The following USP38 variants were observed in gnomAD, a reference collection of about 807,000 sequenced individuals.
The protein encoded by USP38 is ubiquitin carboxyl-terminal hydrolase 38.
In USP38, 49 loss-of-function variants were observed where a neutral mutation model predicts 94.3. The ratio of observed to expected loss-of-function variants is 0.52; its 90% CI spans 0.41 to 0.66. The LOEUF is 0.66. Ranked by LOEUF, USP38 falls within the 30% of genes least tolerant of loss-of-function variation. The pLI is 0.00. For missense variants in USP38, 1,128 were observed against 1,229.4 expected (o/e 0.92, Z 1.23); for synonymous variants, 468 against 463.6 (o/e 1.01, Z -0.12).
In USP38 at chr4:143,213,933, C is replaced by A. The variant is rs774795592; in HGVS notation, c.1957C>A (p.Pro653Thr). The A allele has an allele frequency of 4.3e-6, 7 of 1,613,624 alleles. No individual in the cohort carries two copies. The South Asian group carries it at 6.6e-5, about 15-fold the overall frequency. Residue 653 changes from proline (P) to threonine (T), a missense_variant, in exon 9 of 10, where the codon CCT becomes ACT. By Grantham distance (38) the Pro-to-Thr change is conservative. Coordinates refer to ENST00000307017, the MANE Select transcript of USP38 (RefSeq NM_032557.6). ...GGLMQASVPG[P>T]SEEPVVYNPT... ...TCTAATGCAAGCCTCTGTACCCGGTCCTTCAGAAGAACCAGTAGTTTATAA... is the reference window on the plus strand; with the variant it reads ...TCTAATGCAAGCCTCTGTACCCGGTACTTCAGAAGAACCAGTAGTTTATAA...
chr4:143,202,440 C>T (rs1321165726), intron 4 of USP38, among the ~76,000 whole-genome samples: 2 of 151,950 alleles, frequency 1.3e-5, no homozygotes, highest in Non-Finnish European at 2.9e-5. Flanking sequence ...AACTTTTTTA[C>T]CATGAGTTAG....
intron 1 of USP38, among the ~76,000 whole-genome samples, chr4:143,186,774 C>A (rs1030584846): frequency 1.1e-4 from 17 of 152,316 alleles, no homozygotes; most frequent in African/African-American, 4.1e-4. Context: ...TGATACTTGC[C>A]TAGAAAATGC....
At chr4:143,216,424 A>G (rs1732183542) in intron 9 of USP38, among the ~76,000 whole-genome samples, 1 of 152,126 alleles carries the variant, frequency 6.6e-6, no homozygotes, top group South Asian at 2.1e-4. Flanking sequence ...TAGTAAATCA[A>G]AGTTTCATTA....
Position 143,214,877 on chromosome 4 carries a change from T to G in USP38, c.2901T>G (p.Asn967Lys), listed in dbSNP as rs1438906195. The G allele has an allele frequency of 6.2e-7, 1 of 1,613,524 alleles. No individual in the cohort carries two copies. The highest frequency in any genetic ancestry group is 1.7e-5 in the Admixed American group (1 of 59,906). The stretch of plus-strand genomic sequence containing the variant: ...ACCCAACCAGTGGACTCTGGATAAA[T>G]GGAGACCCACCTCTACAGAAAGAAC... ...GNNPTSGLWINGDPPLQKELM... is the reference protein window; with the variant it reads ...GNNPTSGLWIKGDPPLQKELM... The change falls in exon 9 of 10, where the codon AAT becomes AAG. Residue 967 changes from asparagine to lysine, a missense_variant. Physicochemically the swap from Asn to Lys is moderately conservative, Grantham distance 94. Coordinates refer to ENST00000307017, the MANE Select transcript of USP38 (RefSeq NM_032557.6).
Position 143,223,505 on chromosome 4 carries a change from T to C in USP38, c.*3049T>C, listed in dbSNP as rs1732374492. On this transcript the variant is annotated 3_prime_UTR_variant, in exon 10 of 10. Transcript: ENST00000307017. ...TTTTTCTCTTCAGTTCTGTTCTTTG[T>C]ATGATAATCCTTAAAAAAGTAGTTG... The C allele has an allele frequency of 2.0e-5, 3 of 152,154 alleles. No homozygotes were observed. Among genetic ancestry groups the C allele is most frequent in the Admixed American group, 6.6e-5 (1 of 15,264 alleles). The allele number at this position is 152,154 out of a possible 1,614,324, so 9.4% of individuals were successfully genotyped here. A position where few individuals can be genotyped will look rare whatever the true frequency, so the allele number is the denominator to read the frequency against.
At chr4:143,192,975 ACT>A (rs1237471978) in intron 2 of USP38, among the ~76,000 whole-genome samples, 7 of 151,850 alleles carry the variant, frequency 4.6e-5, no homozygotes, top group East Asian at 1.9e-4. Flanking sequence ...GGAATTTTCT[ACT>A]CTCTGCTCTC....
At chr4:143,192,143 T>G (rs2149604645) in intron 2 of USP38, among the ~76,000 whole-genome samples, 1 of 152,356 alleles carries the variant, frequency 6.6e-6, no homozygotes. Context: ...ATCTTACTGT[T>G]ATATTCTCAG....
chr4:143,216,069 C>T (rs74599506), intron 9 of USP38, among the ~76,000 whole-genome samples: 2,387 of 151,996 alleles, frequency 0.016, 68 homozygotes, highest in African/African-American at 0.053. Flanking sequence ...AGATAAAAAA[C>T]TACTCTCATT....
chr4:143,214,640 T>A lies in USP38; in HGVS notation c.2664T>A (p.Ser888Arg), dbSNP rs1419210768. ...SEALALASSQ[S>R]HLLGRDSPSA... ...CTCTGGCATTAGCATCCTCCCAGAG[T>A]CATTTACTAGGGAGAGATAGTCCCA... Residue 888 changes from serine (S) to arginine (R), a missense_variant, in exon 9 of 10, where the codon AGT (serine) becomes AGA (arginine). Ser to Arg is a moderately radical substitution (Grantham distance 110). Coordinates refer to ENST00000307017, the MANE Select transcript of USP38 (RefSeq NM_032557.6). 10 of 1,613,508 alleles carry A rather than the reference T, an allele frequency of 6.2e-6. No homozygotes were observed. The highest frequency in any genetic ancestry group is 7.6e-6 in the Non-Finnish European group (9 of 1,179,768).
At chr4:143,208,227 CATTT>C (rs1561244949) in intron 6 of USP38, among the ~76,000 whole-genome samples, 1 of 151,940 alleles carries the variant, frequency 6.6e-6, no homozygotes, top group Non-Finnish European at 1.5e-5. Flanking sequence ...ATTAAATACT[CATTT>C]AATTTAATGA....
intron 9 of USP38, chr4:143,215,567 T>G (rs1732162431): frequency 1.3e-5 from 2 of 152,124 alleles, no homozygotes; most frequent in Non-Finnish European, 2.9e-5. Flanking sequence ...AAGTTAAAAT[T>G]CTTGCTGAAA....
At chr4:143,188,891 C>T (rs1581154361) in intron 2 of USP38, among the ~76,000 whole-genome samples, 1 of 152,120 alleles carries the variant, frequency 6.6e-6, no homozygotes, top group South Asian at 2.1e-4. Context: ...TCATTCATGT[C>T]CTAGTTAAAT....
In USP38 at chr4:143,221,752, T is replaced by A. The variant is rs1370011143; in HGVS notation, c.*1296T>A. On this transcript the variant is annotated 3_prime_UTR_variant, in exon 10 of 10. Coordinates refer to ENST00000307017, the MANE Select transcript of USP38 (RefSeq NM_032557.6). ...CATTGTTCTGAAGATTGGTCTCATATTTATTTTGAAAACACTTTAAGGAAA... is the reference window on the plus strand; with the variant it reads ...CATTGTTCTGAAGATTGGTCTCATAATTATTTTGAAAACACTTTAAGGAAA... The A allele has an allele frequency of 6.6e-6, 1 of 152,070 alleles. No individual in the cohort carries two copies. The highest frequency in any genetic ancestry group is 1.5e-5 in the Non-Finnish European group (1 of 67,972). 9.4% of individuals were successfully genotyped at this position (152,070 alleles called of 1,614,324 possible).
At chr4:143,202,488 C>A (rs950486165) in intron 4 of USP38, among the ~76,000 whole-genome samples, 1 of 151,826 alleles carries the variant, frequency 6.6e-6, no homozygotes, top group Non-Finnish European at 1.5e-5. Flanking sequence ...CAGAAGATAC[C>A]TTTTACCATA....
At chr4:143,216,357 G>A (rs1732181189) in intron 9 of USP38, among the ~76,000 whole-genome samples, 2 of 152,158 alleles carry the variant, frequency 1.3e-5, no homozygotes, top group Non-Finnish European at 2.9e-5. Context: ...GTTGTTTGAT[G>A]CAAGAAAAGA....
chr4:143,213,686 A>G lies in USP38; in HGVS notation c.1710A>G (p.Ala570=), dbSNP rs1364389556. 1.2e-6 allele frequency: 2 copies of G among 1,613,550 alleles called. No individual in the cohort carries two copies. Among genetic ancestry groups the G allele is most frequent in the African/African-American group, 2.7e-5 (2 of 74,912 alleles). The change falls in exon 9 of 10, where the codon GCA becomes GCG. Residue 570 remains alanine, a synonymous_variant. Coordinates refer to ENST00000307017, the MANE Select transcript of USP38 (RefSeq NM_032557.6). The part of the protein sequence containing the change: ...TSLQEVASKA[A]VLTETPRTSD... ...TACAGGAAGTAGCTAGTAAAGCAGC[A>G]GTACTAACAGAGACCCCTCGTACAA...
At chr4:143,190,427 A>C (rs1731362663) in intron 2 of USP38, among the ~76,000 whole-genome samples, 1 of 152,130 alleles carries the variant, frequency 6.6e-6, no homozygotes, top group Admixed American at 6.5e-5. Flanking sequence ...ATTTGAACTT[A>C]AATCTGGCTC....
Position 143,209,717 on chromosome 4 carries a change from TTTACC to T in USP38, c.1497+64_1497+68del, listed in dbSNP as rs1195690294. ...AACTGCGTGGTAATATTCATTAAAC[TTTACC>T]TTATACCTAACCTTTTTAACTGATG... On this transcript the variant is annotated intron_variant, in intron 7 of 9. Transcript: ENST00000307017. The T allele has an allele frequency of 2.8e-6, 3 of 1,062,790 alleles. No individual in the cohort carries two copies. The African/African-American group carries it at 4.9e-5, about 17-fold the overall frequency. 65.8% of individuals were successfully genotyped at this position (1,062,790 alleles called of 1,614,324 possible). A position where few individuals can be genotyped will look rare whatever the true frequency, so the allele number is the denominator to read the frequency against.
chr4:143,200,122 T>C lies in USP38; in HGVS notation c.1050+2198T>C, dbSNP rs541502989. Among the ~76,000 whole-genome samples, 6 of 152,164 alleles carry C rather than the reference T, an allele frequency of 3.9e-5. No individual in the cohort carries two copies. In the South Asian group the frequency reaches 1.2e-3, roughly 32 times the overall value. On this transcript the variant is annotated intron_variant, in intron 4 of 9. Coordinates refer to ENST00000307017, the MANE Select transcript of USP38 (RefSeq NM_032557.6). ...GGGTTTTACATTTAAGTCTTATCCT[T>C]GATGTAATGAACATCGATACAAAAA...
Sources: allele counts gnomAD v4.1 joint callset (sites outside exome capture counted in the v4.1 genomes callset), GRCh38; gene constraint gnomAD v4.1.1; transcripts MANE v1.5; gene names NCBI Gene and HGNC (gene_info 2026-07-23, HGNC 2026-07-21).